Variants in HAL observed in about 807,000 individuals in gnomAD.
HAL encodes the protein histidine ammonia-lyase, also known as histidase.
Under a neutral mutation model 81.1 loss-of-function variants are expected in HAL, and 85 were observed. The ratio of observed to expected loss-of-function variants is 1.05; its 90% confidence interval spans 0.88 to 1.25. The LOEUF is 1.25. HAL is among the 50% of genes most tolerant of loss of function. The probability of loss-of-function intolerance (pLI) is 0.00; values close to 1 mark genes in which losing one functional copy is unlikely to be tolerated. For synonymous variants in HAL, 301 were observed against 309.2 expected, an observed-to-expected ratio of 0.97 and a Z score of 0.28; for missense variants, 798 against 836.6, an observed-to-expected ratio of 0.95 and a Z score of 0.57.
chr12:95,982,100 G>C (rs1362325187), intron 15 of HAL, among the ~76,000 whole-genome samples: 2 of 152,144 alleles, frequency 1.3e-5, no homozygotes, highest in Non-Finnish European at 2.9e-5. Context: ...ACTTAGACAT[G>C]TTTTTATTGT....
chr12:95,995,827 G>A lies in HAL; in HGVS notation c.84C>T (p.Gly28=), dbSNP rs1228865257. The A allele has an allele frequency of 6.2e-7, 1 of 1,611,670 alleles. No individual in the cohort carries two copies. Among genetic ancestry groups the A allele is most frequent in the South Asian group, 1.1e-5 (1 of 91,088 alleles). Residue 28 remains glycine (G), a synonymous_variant, in exon 2 of 21, where the codon GGC becomes GGT. Transcript: ENST00000261208. ...QDAQLTVGWL[G]REAVRRYIKN... is the part of the protein sequence containing the mutation. ...TGATATAGCGCCTCACGGCCTCCCGGCCCAGCCAGCCCACAGTGAGCTGCG... is the reference window on the plus strand; with the variant it reads ...TGATATAGCGCCTCACGGCCTCCCGACCCAGCCAGCCCACAGTGAGCTGCG...
At chr12:95,979,789 T>C (rs566856070) in intron 17 of HAL, among the ~76,000 whole-genome samples, 1 of 152,386 alleles carries the variant, frequency 6.6e-6, no homozygotes, top group South Asian at 2.1e-4. Context: ...CATTTTTGCA[T>C]GCCAAAATTC....
Position 95,993,843 on chromosome 12 carries a change from A to G in HAL, c.485-5T>C, listed in dbSNP as rs2302629. 0.58 allele frequency: 883,114 copies of G among 1,519,410 alleles called. 261,017 individuals carry two copies. Among genetic ancestry groups the G allele is most frequent in the African/African-American group, 0.75 (54,511 of 72,946 alleles). The allele number at this position is 1,519,410 out of a possible 1,614,324, so 94.1% of individuals were successfully genotyped here. A position where few individuals can be genotyped will look rare whatever the true frequency, so the allele number is the denominator to read the frequency against. ...CTGTAGTAATACCGTAAACAACTAG[A>G]ATAAAAAGAGACATTATGCAATTAA... is the stretch of plus-strand genomic sequence containing the variant. On this transcript the variant is annotated splice_polypyrimidine_tract_variant and splice_region_variant and intron_variant, in intron 6 of 20. Coordinates refer to ENST00000261208, the MANE Select transcript of HAL (RefSeq NM_002108.4).
At chr12:95,981,710 T>G (rs1428377143) in intron 15 of HAL, among the ~76,000 whole-genome samples, 5 of 152,240 alleles carry the variant, frequency 3.3e-5, no homozygotes, top group African/African-American at 1.2e-4. Context: ...TCAGCCCACC[T>G]TGGCCTCCCA....
chr12:95,976,408 C>A (rs2080718934), intron 20 of HAL, 21 bp downstream of exon 20: 2 of 1,593,904 alleles, frequency 1.3e-6, no homozygotes, highest in African/African-American at 2.7e-5. Flanking sequence ...AATTAAGAAA[C>A]AAGCCAAGGA....
chr12:95,990,281 T>C (rs1262316860), intron 10 of HAL, 112 bp downstream of exon 10: 1 of 867,520 alleles, frequency 1.2e-6, no homozygotes, highest in African/African-American at 1.6e-5. Flanking sequence ...GTAAGGATAG[T>C]AGGAGCTCCC....
At chr12:95,977,119 AT>A (rs2080730107) in intron 18 of HAL, among the ~76,000 whole-genome samples, 1 of 152,192 alleles carries the variant, frequency 6.6e-6, no homozygotes, top group African/African-American at 2.4e-5. Flanking sequence ...CTATTAAATA[AT>A]TGTATGCATT....
intron 14 of HAL, 131 bp downstream of exon 14, chr12:95,985,777 A>G: frequency 1.5e-6 from 1 of 680,814 alleles, no homozygotes; most frequent in Non-Finnish European, 2.6e-6. Flanking sequence ...GACAGTAAGA[A>G]ATTTGGACTA....
rs554812478 is a variant in HAL at position 95,985,483 on chromosome 12, G to A, written c.1206+425C>T. Among the ~76,000 whole-genome samples, 15 of 152,078 alleles carry A rather than the reference G, an allele frequency of 9.9e-5. 1 individual carries two copies. The highest frequency in any genetic ancestry group is 4.6e-4 in the Admixed American group (7 of 15,280). ...CACATGCCTGTAATCCCATCTACTC[G>A]GGAGGTTGAGGCAGGAGAATCACTT... On this transcript the variant is annotated intron_variant, in intron 14 of 20. Transcript: ENST00000261208.
chr12:95,978,713 C>T (rs11108358), intron 17 of HAL, among the ~76,000 whole-genome samples: 36,440 of 151,904 alleles, frequency 0.24, 4,931 homozygotes, highest in East Asian at 0.44. Context: ...CTAACGAGCT[C>T]TCAGGTGATG....
At chr12:95,980,765 C>T in intron 16 of HAL, 33 bp downstream of exon 16, 1 of 1,604,154 alleles carries the variant, frequency 6.2e-7, no homozygotes, top group Non-Finnish European at 8.5e-7. Flanking sequence ...TGAAATGTGC[C>T]TTCTGGGTCA....
At chr12:95,978,120 A>G (rs1272787961) in intron 17 of HAL, 42 bp from the exon 18 acceptor site, 1 of 1,568,124 alleles carries the variant, frequency 6.4e-7, no homozygotes, top group Non-Finnish European at 8.8e-7. Flanking sequence ...TCCTCACAGG[A>G]TGAGCTGTCT....
intron 10 of HAL, among the ~76,000 whole-genome samples, chr12:95,989,008 G>A (rs1407811499): frequency 6.6e-6 from 1 of 152,154 alleles, no homozygotes; most frequent in Non-Finnish European, 1.5e-5. Flanking sequence ...GCAAAATGAA[G>A]ACAGGCAAGC....
chr12:95,977,916 C>G (rs372268204), intron 18 of HAL, 28 bp downstream of exon 18: 7 of 1,613,060 alleles, frequency 4.3e-6, no homozygotes, highest in African/African-American at 4.0e-5. Context: ...ATCAGGCAGG[C>G]CCGCCACCCC....
intron 14 of HAL, 64 bp downstream of exon 14, chr12:95,985,844 A>G (rs1469649246): frequency 1.2e-5 from 13 of 1,097,798 alleles, no homozygotes; most frequent in Non-Finnish European, 1.1e-5. Flanking sequence ...TTTCATCCTG[A>G]ACCTGGGGAA....
At chr12:95,993,225 C>T (rs1300942917) in intron 8 of HAL, among the ~76,000 whole-genome samples, 2 of 152,188 alleles carry the variant, frequency 1.3e-5, no homozygotes, top group Non-Finnish European at 2.9e-5. Context: ...GTCTCCATGG[C>T]ATGGGACATG....
chr12:95,984,427 G>A (rs370287741), intron 14 of HAL, among the ~76,000 whole-genome samples: 3 of 152,280 alleles, frequency 2.0e-5, no homozygotes, highest in African/African-American at 4.8e-5. Flanking sequence ...GATGTGACTC[G>A]CAGAGATTAC....
chr12:95,976,743 G>T, intron 18 of HAL, 37 bp from the exon 19 acceptor site: 1 of 1,307,142 alleles, frequency 7.7e-7, no homozygotes, highest in Non-Finnish European at 1.1e-6. Context: ...GCTTATGAAA[G>T]TCTGACTTCA....
intron 14 of HAL, 62 bp downstream of exon 14, chr12:95,985,846 C>A (rs1231335705): frequency 1.8e-6 from 2 of 1,123,864 alleles, no homozygotes; most frequent in Non-Finnish European, 1.3e-6. Context: ...TCATCCTGAA[C>A]CTGGGGAAAG....
Sources: allele counts gnomAD v4.1 joint callset (sites outside exome capture counted in the v4.1 genomes callset), GRCh38; gene constraint gnomAD v4.1.1; transcripts MANE v1.5; gene names NCBI Gene and HGNC (gene_info 2026-07-23, HGNC 2026-07-21).